Variants in MFAP2 observed in about 807,000 individuals in gnomAD.
The protein encoded by MFAP2 is microfibrillar-associated protein 2.
In MFAP2, 23 loss-of-function variants were observed where a neutral mutation model predicts 30.6. The ratio of observed to expected loss-of-function variants is 0.75; its 90% CI spans 0.54 to 1.07. MFAP2 has a LOEUF of 1.07. Among genes scored for constraint, MFAP2 ranks in the 50% least tolerant of loss-of-function variants. The pLI, the probability that MFAP2 is intolerant of heterozygous loss-of-function variation, is 0.00. For missense variants in MFAP2, 198 were observed against 223.8 expected, an observed-to-expected ratio of 0.88 and a Z score of 0.74; for synonymous variants, 73 against 85.7, an observed-to-expected ratio of 0.85 and a Z score of 0.82.
chr1:16,977,140 G>A lies in MFAP2; in HGVS notation c.96C>T (p.His32=), dbSNP rs757829415. The part of the protein sequence containing the change: ...DLDPLPPFPD[H]VQYTHYSDQI... ...GGTCGCTATAGTGGGTGTACTGGACGTGGTCAGGGAACGGCGGCAGCGGGT... is the reference window on the plus strand; with the variant it reads ...GGTCGCTATAGTGGGTGTACTGGACATGGTCAGGGAACGGCGGCAGCGGGT... Residue 32 remains histidine, a synonymous_variant, in exon 3 of 9, where the codon CAC becomes CAT. Coordinates refer to ENST00000375535, the MANE Select transcript of MFAP2 (RefSeq NM_002403.4). The A allele has an allele frequency of 7.4e-6, 12 of 1,613,796 alleles. No homozygotes were observed. The highest frequency in any genetic ancestry group is 1.6e-4 in the Middle Eastern group (1 of 6,084).
Position 16,975,819 on chromosome 1 carries a change from C to T in MFAP2, c.287-89G>A. On this transcript the variant is annotated intron_variant, in intron 6 of 8. Coordinates refer to ENST00000375535, the MANE Select transcript of MFAP2 (RefSeq NM_002403.4). The surrounding 1 kb of genome is among the most constrained non-coding windows in gnomAD (Gnocchi z 5.0). ...TGAGGCTGGCTCACAGGGCCTAGTC[C>T]CCCCTGTACCTTCAGGCCCCGTGCA... 1.8e-6 allele frequency: 2 copies of T among 1,090,804 alleles called. No individual in the cohort carries two copies. The highest frequency in any genetic ancestry group is 2.6e-5 in the East Asian group (1 of 39,086). The allele number at this position is 1,090,804 out of a possible 1,614,324, so 67.6% of individuals were successfully genotyped here.
rs1338775509 is a variant in MFAP2 at position 16,975,668 on chromosome 1, ACT to A, written c.347_348del (p.Gln116LeufsTer17). The A allele has an allele frequency of 1.2e-6, 2 of 1,614,022 alleles. No homozygotes were observed. The highest frequency in any genetic ancestry group is 1.7e-6 in the Non-Finnish European group (2 of 1,179,958). Reference protein sequence around the residue: ...RLYSIHRPCKQCLNEVCFYSL... With the variant: ...RLYSIHRPCKXCLNEVCFYSL... ...CTGTAGAAGCAGACCTCGTTGAGAC[ACT>A]GTTTGCAAGGCCTGTGTATGGAGTA... On this transcript the variant is annotated frameshift_variant, in exon 7 of 9. Transcript: ENST00000375535. LOFTEE classifies it high-confidence loss of function. This position sits in a 1 kb window ranked among gnomAD's most constrained non-coding sequence, Gnocchi z 5.0.
At chr1:16,981,009 A>C (rs1169886829), upstream of MFAP2, among the ~76,000 whole-genome samples, 1 of 152,108 alleles carries the variant, frequency 6.6e-6, no homozygotes, top group Non-Finnish European at 1.5e-5. Context: ...CCCAGCTTCC[A>C]GGACACTCTC....
upstream of MFAP2, among the ~76,000 whole-genome samples, chr1:16,981,066 C>T (rs1360546536): frequency 6.6e-6 from 1 of 152,152 alleles, no homozygotes; most frequent in African/African-American, 2.4e-5. Flanking sequence ...TGCTGCCTCT[C>T]TCAGGCCCGC....
In MFAP2 at chr1:16,977,119, G is replaced by GC; in HGVS notation, c.116dup (p.Ser39ArgfsTer11). The GC allele has an allele frequency of 6.2e-7, 1 of 1,613,918 alleles. No individual in the cohort carries two copies. Among genetic ancestry groups the GC allele is most frequent in the Non-Finnish European group, 8.5e-7 (1 of 1,180,002 alleles). ...CGGCAAGGCCCTTACCGATCTGGTC[G>GC]CTATAGTGGGTGTACTGGACGTGGT... On this transcript the variant is annotated frameshift_variant, in exon 3 of 9. Transcript: ENST00000375535. LOFTEE classifies it high-confidence loss of function.
Position 16,978,299 on chromosome 1 carries a change from G to C in MFAP2, c.-26C>G. 1 of 1,568,848 alleles carries C rather than the reference G, an allele frequency of 6.4e-7. No individual in the cohort carries two copies. The highest frequency in any genetic ancestry group is 8.6e-7 in the Non-Finnish European group (1 of 1,156,084). On this transcript the variant is annotated 5_prime_UTR_variant, in exon 2 of 9. Transcript: ENST00000375535. ...GGCAACAAAGAGGCAGGCCGGGGTG[G>C]TGTCAGAGAGGACAGCTGGGGAAAG...
Position 16,977,201 on chromosome 1 carries a change from G to A in MFAP2, c.38-3C>T. On this transcript the variant is annotated splice_polypyrimidine_tract_variant and splice_region_variant and intron_variant, in intron 2 of 8. Coordinates refer to ENST00000375535, the MANE Select transcript of MFAP2 (RefSeq NM_002403.4). ...CTGGCCCTGAGCCAGCAAGCCTGCTGTGGGGAGGCAAAGCATGTAGGGTAC... is the reference window on the plus strand; with the variant it reads ...CTGGCCCTGAGCCAGCAAGCCTGCTATGGGGAGGCAAAGCATGTAGGGTAC... 6.2e-7 allele frequency: 1 copy of A among 1,613,244 alleles called. No homozygotes were observed. The highest frequency in any genetic ancestry group is 8.5e-7 in the Non-Finnish European group (1 of 1,179,788).
chr1:16,974,780 C>G lies in MFAP2; in HGVS notation c.*140G>C, dbSNP rs1308423467. On this transcript the variant is annotated 3_prime_UTR_variant, in exon 9 of 9. Coordinates refer to ENST00000375535, the MANE Select transcript of MFAP2 (RefSeq NM_002403.4). ...GAAGGAGGGGCCTGAGGCACCGCAG[C>G]CTGCAACCCCCAGGGCTGCAGTCCA... 2 of 421,788 alleles carry G rather than the reference C, an allele frequency of 4.7e-6. No individual in the cohort carries two copies. The highest frequency in any genetic ancestry group is 8.0e-6 in the Non-Finnish European group (2 of 249,908). The allele number at this position is 421,788 out of a possible 1,614,324, so 26.1% of individuals were successfully genotyped here. A position where few individuals can be genotyped will look rare whatever the true frequency, so the allele number is the denominator to read the frequency against.
chr1:16,980,267 A>ACACCCCCC (rs1557656639), intron 1 of MFAP2, among the ~76,000 whole-genome samples: 10 of 80,296 alleles, frequency 1.2e-4, no homozygotes, highest in Non-Finnish European at 1.6e-4. Flanking sequence ...TTCCCACCGG[A>ACACCCCCC]CCCCCCCCCC....
rs1262049116 is a variant in MFAP2, at chr1:16,976,890, C to T, written c.154+7G>A. The T allele has an allele frequency of 1.2e-6, 2 of 1,614,034 alleles. No individual in the cohort carries two copies. Among genetic ancestry groups the T allele is most frequent in the African/African-American group, 1.3e-5 (1 of 74,918 alleles). Reference sequence around the variant, plus strand: ...CGGCCCGTCCTATCCTACCCCTAGCCCGTTACCTTGATAATCATAGTAGTC... The same window carrying T: ...CGGCCCGTCCTATCCTACCCCTAGCTCGTTACCTTGATAATCATAGTAGTC... On this transcript the variant is annotated splice_region_variant and intron_variant, in intron 4 of 8. Transcript: ENST00000375535. This position sits in a 1 kb window ranked among gnomAD's most constrained non-coding sequence, Gnocchi z 5.5.
intron 2 of MFAP2, 45 bp downstream of exon 2, chr1:16,978,192 A>G: frequency 6.5e-7 from 1 of 1,548,970 alleles, no homozygotes. Flanking sequence ...CCTACTCCTC[A>G]GCCCCACATA....
chr1:16,976,871 GTCCTATCCTACCCCTAGCC>G lies in MFAP2; in HGVS notation c.154+7_154+25del. ...GTCTCCCCACCCCAGCTGCCGGCCC[GTCCTATCCTACCCCTAGCC>G]CGTTACCTTGATAATCATAGTAGTC... On this transcript the variant is annotated splice_region_variant and intron_variant, in intron 4 of 8. Transcript: ENST00000375535. The surrounding 1 kb of genome is among the most constrained non-coding windows in gnomAD (Gnocchi z 5.5). The G allele has an allele frequency of 6.2e-7, 1 of 1,614,114 alleles. No individual in the cohort carries two copies. Among genetic ancestry groups the G allele is most frequent in the East Asian group, 2.2e-5 (1 of 44,878 alleles).
In MFAP2 at chr1:16,975,178, G is replaced by T; in HGVS notation, c.448+91C>A. ...TGGAAGTGGGCCTGGTGGATAATAT[G>T]TGTTGAATAAACATCAGGTGGGTGG... On this transcript the variant is annotated intron_variant, in intron 8 of 8. Transcript: ENST00000375535. This position sits in a 1 kb window ranked among gnomAD's most constrained non-coding sequence, Gnocchi z 5.0. 7.5e-7 allele frequency: 1 copy of T among 1,332,314 alleles called. No individual in the cohort carries two copies. The highest frequency in any genetic ancestry group is 1.1e-6 in the Non-Finnish European group (1 of 939,156). The allele number at this position is 1,332,314 out of a possible 1,614,324, so 82.5% of individuals were successfully genotyped here. A position where few individuals can be genotyped will look rare whatever the true frequency, so the allele number is the denominator to read the frequency against.
At position 16,978,326 on chromosome 1, in the gene MFAP2, C is replaced by A; in HGVS notation, c.-41-12G>T. On this transcript the variant is annotated splice_polypyrimidine_tract_variant and intron_variant, in intron 1 of 8. Coordinates refer to ENST00000375535, the MANE Select transcript of MFAP2 (RefSeq NM_002403.4). ...GTCAGAGAGGACAGCTGGGGAAAGA[C>A]CGGTGGGAGAGCTCTACCCAGGGCC... The A allele has an allele frequency of 2.6e-6, 4 of 1,552,140 alleles. No homozygotes were observed. Among genetic ancestry groups the A allele is most frequent in the Middle Eastern group, 3.4e-4 (2 of 5,804 alleles).
chr1:16,975,314 CCTT>C lies in MFAP2; in HGVS notation c.400_402del (p.Lys134del). 1 of 1,614,024 alleles carries C rather than the reference CCTT, an allele frequency of 6.2e-7. No individual in the cohort carries two copies. Among genetic ancestry groups the C allele is most frequent in the South Asian group, 1.1e-5 (1 of 91,080 alleles). ...GCACACACTGTACGAACACAGATCT[CCTT>C]GTTAATGACGTACACACGGCGGAGG... On this transcript the variant is annotated inframe_deletion, in exon 8 of 9. Coordinates refer to ENST00000375535, the MANE Select transcript of MFAP2 (RefSeq NM_002403.4). This position sits in a 1 kb window ranked among gnomAD's most constrained non-coding sequence, Gnocchi z 5.0.
In MFAP2 at chr1:16,976,134, A is replaced by T. The variant is rs1249946338; in HGVS notation, c.286+367T>A. The T allele has an allele frequency of 2.0e-6, 1 of 493,200 alleles. No homozygotes were observed. The highest frequency in any genetic ancestry group is 3.4e-5 in the Admixed American group (1 of 29,660). The allele number at this position is 493,200 out of a possible 1,614,324, so 30.6% of individuals were successfully genotyped here. A position where few individuals can be genotyped will look rare whatever the true frequency, so the allele number is the denominator to read the frequency against. On this transcript the variant is annotated intron_variant, in intron 6 of 8. Transcript: ENST00000375535. This position sits in a 1 kb window ranked among gnomAD's most constrained non-coding sequence, Gnocchi z 5.5. The stretch of plus-strand genomic sequence containing the variant: ...GTTCTTTCAAGCTCTCAGCTAGGGC[A>T]GCCGGAGGGCACCGCTCAGCCAGCC...
In MFAP2 at chr1:16,977,180, C is replaced by T. The variant is rs1428555355; in HGVS notation, c.56G>A (p.Gly19Asp). ...CGGCAGCGGGTCCAGGTCATACTGG[C>T]CCTGAGCCAGCAAGCCTGCTGTGGG... Reference protein sequence around the residue: ...LFLPAGLLAQGQYDLDPLPPF... With the variant: ...LFLPAGLLAQDQYDLDPLPPF... Residue 19 changes from glycine to aspartate, a missense_variant, in exon 3 of 9, where the codon GGC (glycine) becomes GAC (aspartate). Coordinates refer to ENST00000375535, the MANE Select transcript of MFAP2 (RefSeq NM_002403.4). 1 of 1,613,464 alleles carries T rather than the reference C, an allele frequency of 6.2e-7. No individual in the cohort carries two copies. Among genetic ancestry groups the T allele is most frequent in the East Asian group, 2.2e-5 (1 of 44,862 alleles).
At position 16,975,486 on chromosome 1, in the gene MFAP2, G is replaced by A. The variant is rs1230414253; in HGVS notation, c.375-144C>T. 4.2e-6 allele frequency: 5 copies of A among 1,190,802 alleles called. No homozygotes were observed. Among genetic ancestry groups the A allele is most frequent in the Non-Finnish European group, 6.1e-6 (5 of 816,788 alleles). The allele number at this position is 1,190,802 out of a possible 1,614,324, so 73.8% of individuals were successfully genotyped here. On this transcript the variant is annotated intron_variant, in intron 7 of 8. Coordinates refer to ENST00000375535, the MANE Select transcript of MFAP2 (RefSeq NM_002403.4). The surrounding 1 kb of genome is among the most constrained non-coding windows in gnomAD (Gnocchi z 5.0). ...CCTGGCACTGGAGCCCAGGAGTGGA[G>A]GAGGTCCCTGGCCCAGGCTCAACCA...
Position 16,975,626 on chromosome 1 carries a change from T to C in MFAP2, c.374+17A>G. On this transcript the variant is annotated intron_variant, in intron 7 of 8. Transcript: ENST00000375535. The surrounding 1 kb of genome is among the most constrained non-coding windows in gnomAD (Gnocchi z 5.0). ...CATGCTCCGGAATCCTCCCGACAGC[T>C]GCCCATCTGTGCTCACCTGTAGAAG... The C allele has an allele frequency of 1.2e-6, 2 of 1,612,974 alleles. No individual in the cohort carries two copies. Among genetic ancestry groups the C allele is most frequent in the East Asian group, 4.5e-5 (2 of 44,870 alleles).
Sources: allele counts gnomAD v4.1 joint callset (sites outside exome capture counted in the v4.1 genomes callset), GRCh38; gene constraint gnomAD v4.1.1; non-coding constraint Gnocchi (gnomAD v3.1); transcripts MANE v1.5; gene names NCBI Gene and HGNC (gene_info 2026-07-23, HGNC 2026-07-21).